Variants in CASZ1 observed in about 807,000 individuals in gnomAD.
CASZ1 encodes castor zinc finger 1.
In CASZ1, 28 loss-of-function variants were observed where a neutral mutation model predicts 135.2. That is an observed-to-expected ratio of 0.21 (90% CI 0.15 to 0.28). The LOEUF (loss-of-function observed/expected upper bound fraction) is 0.28. Among genes scored for constraint, CASZ1 ranks in the 10% least tolerant of loss-of-function variants. The pLI is 1.00. For synonymous variants in CASZ1, 1,068 were observed against 1,073.4 expected (o/e 0.99, Z 0.10); for missense variants, 2,161 against 2,453.3 (o/e 0.88, Z 2.52).
At position 10,756,763 on chromosome 1, in the gene CASZ1, C is replaced by T. The variant is rs1406842289; in HGVS notation, c.-77+3938G>A. On this transcript the variant is annotated intron_variant, in intron 2 of 20. Transcript: ENST00000377022. This position sits in a 1 kb window ranked among gnomAD's most constrained non-coding sequence, Gnocchi z 5.9. Reference sequence around the variant, plus strand: ...TCCCTGCCGATGAGCAGATGAGCAGCGGCTGGAGGCTGAGCTGACCCCATG... The same window carrying T: ...TCCCTGCCGATGAGCAGATGAGCAGTGGCTGGAGGCTGAGCTGACCCCATG... Among the ~76,000 whole-genome samples the T allele has an allele frequency of 6.6e-6, 1 of 152,150 alleles. No individual in the cohort carries two copies. Among genetic ancestry groups the T allele is most frequent in the African/African-American group, 2.4e-5 (1 of 41,426 alleles).
Position 10,762,154 on chromosome 1 carries a change from T to G in CASZ1, c.-233-1297A>C, listed in dbSNP as rs1294235960. On this transcript the variant is annotated intron_variant, in intron 1 of 20. Coordinates refer to ENST00000377022, the MANE Select transcript of CASZ1 (RefSeq NM_001079843.3). The surrounding 1 kb of genome is among the most constrained non-coding windows in gnomAD (Gnocchi z 4.1). The stretch of plus-strand genomic sequence containing the variant: ...TGAGTGCGAGGGGGAGTTGGCTCTT[T>G]GAAGGTGAGAGCTTCAGCATCAGCT... Among the ~76,000 whole-genome samples, 3 of 151,910 alleles carry G rather than the reference T, an allele frequency of 2.0e-5. No individual in the cohort carries two copies. Among genetic ancestry groups the G allele is most frequent in the Non-Finnish European group, 2.9e-5 (2 of 67,948 alleles).
At position 10,720,452 on chromosome 1, in the gene CASZ1, A is replaced by G. The variant is rs1038660271; in HGVS notation, c.-76-14908T>C. Among the ~76,000 whole-genome samples, 6 of 152,252 alleles carry G rather than the reference A, an allele frequency of 3.9e-5. No homozygotes were observed. Among genetic ancestry groups the G allele is most frequent in the Admixed American group, 3.9e-4 (6 of 15,290 alleles). On this transcript the variant is annotated intron_variant, in intron 2 of 20. Coordinates refer to ENST00000377022, the MANE Select transcript of CASZ1 (RefSeq NM_001079843.3). This position sits in a 1 kb window ranked among gnomAD's most constrained non-coding sequence, Gnocchi z 5.7. ...CCAAAGAGCCTGGGGAAGCTCAGAA[A>G]TGTCTAGAGGAGGCCACCCCTACTG... is the stretch of plus-strand genomic sequence containing the variant.
Position 10,665,082 on chromosome 1 carries a change from C to A in CASZ1, c.505+1G>T. 6.6e-7 allele frequency: 1 copy of A among 1,504,936 alleles called. No homozygotes were observed. Among genetic ancestry groups the A allele is most frequent in the Non-Finnish European group, 8.9e-7 (1 of 1,127,330 alleles). The allele number at this position is 1,504,936 out of a possible 1,614,324, so 93.2% of individuals were successfully genotyped here. A position where few individuals can be genotyped will look rare whatever the true frequency, so the allele number is the denominator to read the frequency against. ...CCTCCCTTCGAAGGCCAGGCACCCA[C>A]CTGAAGCCTGCCTGGTGCTGGGGCC... On this transcript the variant is annotated splice_donor_variant, in intron 5 of 20. Transcript: ENST00000377022. LOFTEE classifies it high-confidence loss of function.
chr1:10,645,346 A>T (rs1245756444), intron 17 of CASZ1, among the ~76,000 whole-genome samples: 1 of 152,122 alleles, frequency 6.6e-6, no homozygotes, highest in East Asian at 1.9e-4. Flanking sequence ...CTGGCTAAAG[A>T]GGTGAAACCC....
Position 10,666,983 on chromosome 1 carries a change from G to A in CASZ1, c.17-1412C>T, listed in dbSNP as rs1039907414. Among the ~76,000 whole-genome samples, 6 of 152,228 alleles carry A rather than the reference G, an allele frequency of 3.9e-5. No homozygotes were observed. The highest frequency in any genetic ancestry group is 2.6e-4 in the Admixed American group (4 of 15,288). ...AAATGTGCCTCTCCATGGCCCTCAC[G>A]GGAGGAATGGGCGTGTCAGAGTCTC... On this transcript the variant is annotated intron_variant, in intron 4 of 20. Transcript: ENST00000377022. The surrounding 1 kb of genome is among the most constrained non-coding windows in gnomAD (Gnocchi z 5.2).
chr1:10,641,506 C>T (rs1642200851), intron 20 of CASZ1, among the ~76,000 whole-genome samples: 1 of 152,242 alleles, frequency 6.6e-6, no homozygotes, highest in African/African-American at 2.4e-5. Flanking sequence ...GCCTCTGCCC[C>T]TGAGCACTGC....
rs1557544382 is a variant in CASZ1, at chr1:10,741,445, GAGGGTGCTC to G, written c.-77+19247_-77+19255del. On this transcript the variant is annotated intron_variant, in intron 2 of 20. Transcript: ENST00000377022. This position sits in a 1 kb window ranked among gnomAD's most constrained non-coding sequence, Gnocchi z 5.0. ...ACAAGCTCCAGCACTGGCCCAGGCT[GAGGGTGCTC>G]AGCGCACACAGCTCTCCAGTAAAGA... 1.3e-5 allele frequency among the ~76,000 whole-genome samples: 2 copies of G among 152,200 alleles called. No homozygotes were observed. Among genetic ancestry groups the G allele is most frequent in the African/African-American group, 4.8e-5 (2 of 41,452 alleles).
rs548163310 is a variant in CASZ1, at chr1:10,703,651, C to T, written c.-24+1841G>A. Among the ~76,000 whole-genome samples, 49 of 152,198 alleles carry T rather than the reference C, an allele frequency of 3.2e-4. 2 individuals are homozygous for T. In the South Asian group the frequency reaches 0.01, roughly 32 times the overall value. On this transcript the variant is annotated intron_variant, in intron 3 of 20. Coordinates refer to ENST00000377022, the MANE Select transcript of CASZ1 (RefSeq NM_001079843.3). ...CAAGGTGCTCCCTGGAATCAGGAGC[C>T]CACCCTTCTCCATAGGGTCAGACTC...
intron 20 of CASZ1, among the ~76,000 whole-genome samples, chr1:10,641,857 T>C (rs1269121369): frequency 1.3e-5 from 2 of 151,984 alleles, no homozygotes; most frequent in African/African-American, 4.8e-5. Context: ...GAGTTGTCCC[T>C]GGGATGGAGA....
intron 3 of CASZ1, among the ~76,000 whole-genome samples, chr1:10,702,774 G>A (rs1432761562): frequency 1.3e-5 from 2 of 152,350 alleles, no homozygotes; most frequent in Non-Finnish European, 2.9e-5. Context: ...TGTCAATGGG[G>A]CCGATGGGAG....
At chr1:10,782,112 C>T (rs989926669) in intron 1 of CASZ1, among the ~76,000 whole-genome samples, 2 of 152,236 alleles carry the variant, frequency 1.3e-5, no homozygotes, top group Non-Finnish European at 1.5e-5. Context: ...AAGACGCTAC[C>T]CCTCTATAGA....
chr1:10,796,224 T>A (rs925229713), intron 1 of CASZ1, among the ~76,000 whole-genome samples: 1 of 150,014 alleles, frequency 6.7e-6, no homozygotes, highest in Non-Finnish European at 1.5e-5. Context: ...ACCCCCTCAG[T>A]TGGAGTAAGC....
chr1:10,732,781 G>A (rs1055166614), intron 2 of CASZ1, among the ~76,000 whole-genome samples: 3 of 152,320 alleles, frequency 2.0e-5, no homozygotes, highest in South Asian at 4.1e-4. Context: ...TCCAGGTGAG[G>A]TAACACTGCC....
chr1:10,650,993 G>A lies in CASZ1; in HGVS notation c.2764C>T (p.Pro922Ser). ...EPGESTGAPG[P>S]HEASQDRSLD... ...CTGCGGTCCTGGGAGGCTTCGTGGGGGCCTGGGGCGCCGGTGCTCTCACCG... is the reference window on the plus strand; with the variant it reads ...CTGCGGTCCTGGGAGGCTTCGTGGGAGCCTGGGGCGCCGGTGCTCTCACCG... The change falls in exon 12 of 21, where the codon CCC becomes TCC. Residue 922 changes from proline (P) to serine (S), a missense_variant. Physicochemically the swap from Pro to Ser is moderately conservative, Grantham distance 74 (BLOSUM62 -1). Around this residue, in one of 7 missense-constraint regions of CASZ1, gnomAD observed 406 missense variants for 387.6 expected, o/e 1.05. Coordinates refer to ENST00000377022, the MANE Select transcript of CASZ1 (RefSeq NM_001079843.3). 1 of 1,575,346 alleles carries A rather than the reference G, an allele frequency of 6.3e-7. No homozygotes were observed. Among genetic ancestry groups the A allele is most frequent in the Non-Finnish European group, 8.5e-7 (1 of 1,169,798 alleles).
chr1:10,674,988 A>C (rs1246785273), intron 4 of CASZ1, among the ~76,000 whole-genome samples: 2 of 150,812 alleles, frequency 1.3e-5, no homozygotes, highest in African/African-American at 2.5e-5. Context: ...GGGAGCGCCC[A>C]CCCCTCCTGT....
chr1:10,670,852 C>CCACCAG (rs1553129300), intron 4 of CASZ1, among the ~76,000 whole-genome samples: 1 of 152,176 alleles, frequency 6.6e-6, no homozygotes, highest in Non-Finnish European at 1.5e-5. Flanking sequence ...CCAGCCAGGA[C>CCACCAG]CCGTCCCCTC....
rs753064026 is a variant in CASZ1 at position 10,701,978 on chromosome 1, G to A, written c.-24+3514C>T. Among the ~76,000 whole-genome samples, 3 of 152,228 alleles carry A rather than the reference G, an allele frequency of 2.0e-5. No individual in the cohort carries two copies. The highest frequency in any genetic ancestry group is 6.5e-5 in the Admixed American group (1 of 15,284). ...AGGCTTCTCTTGGGCTTCCGGCCCCGCTGCCTGGGCGGCGTCTGTCTTCCT... is the reference window on the plus strand; with the variant it reads ...AGGCTTCTCTTGGGCTTCCGGCCCCACTGCCTGGGCGGCGTCTGTCTTCCT... On this transcript the variant is annotated intron_variant, in intron 3 of 20. Transcript: ENST00000377022. This position sits in a 1 kb window ranked among gnomAD's most constrained non-coding sequence, Gnocchi z 6.3.
At chr1:10,754,751 A>G (rs1640217359) in intron 2 of CASZ1, among the ~76,000 whole-genome samples, 2 of 152,150 alleles carry the variant, frequency 1.3e-5, no homozygotes, top group South Asian at 4.1e-4. Flanking sequence ...GCCCGGGCCC[A>G]GCTCAGCTGC....
At chr1:10,712,825 C>G (rs575560552) in intron 2 of CASZ1, among the ~76,000 whole-genome samples, 32 of 152,262 alleles carry the variant, frequency 2.1e-4, no homozygotes, top group Non-Finnish European at 4.7e-4. Context: ...CCCAGCCAAT[C>G]CATCTCTCCA....
Sources: allele counts gnomAD v4.1 joint callset (sites outside exome capture counted in the v4.1 genomes callset), GRCh38; gene constraint gnomAD v4.1.1; regional missense constraint gnomAD v4.1.1; non-coding constraint Gnocchi (gnomAD v3.1); transcripts MANE v1.5; gene names NCBI Gene and HGNC (gene_info 2026-07-23, HGNC 2026-07-21).